The following GMNC variants were observed in gnomAD, a reference collection of about 807,000 sequenced individuals.
GMNC encodes the protein geminin coiled-coil domain-containing protein 1.
A neutral mutation model predicts 33.6 loss-of-function variants in GMNC; 16 were observed. The observed-to-expected ratio is 0.48, with a 90% CI of 0.32 to 0.72. GMNC has a LOEUF of 0.72. Ranked by LOEUF, GMNC falls within the 30% of genes least tolerant of loss-of-function variation. The probability of loss-of-function intolerance (pLI) is 0.03; values close to 1 mark genes in which losing one functional copy is unlikely to be tolerated. For synonymous variants in GMNC, 156 were observed against 147.3 expected, an observed-to-expected ratio of 1.06 and a Z score of -0.43; for missense variants, 393 against 388.9, an observed-to-expected ratio of 1.01 and a Z score of -0.09.
In GMNC at chr3:190,855,385, C is replaced by T; in HGVS notation, c.915G>A (p.Val305=). ...GTCCCTGGTGGAAGGAATGAGTTTTCACATTACAATGAGGGCTCAGGGATG... is the reference window on the plus strand; with the variant it reads ...GTCCCTGGTGGAAGGAATGAGTTTTTACATTACAATGAGGGCTCAGGGATG... ...FSTSLSPHCN[V]KTHSFHQGQA... is the part of the protein sequence containing the mutation. The change falls in exon 5 of 5, where the codon GTG becomes GTA. Residue 305 remains valine, a synonymous_variant. Coordinates refer to ENST00000442080, the MANE Select transcript of GMNC (RefSeq NM_001146686.3). 1.9e-6 allele frequency: 3 copies of T among 1,551,988 alleles called. No homozygotes were observed. The highest frequency in any genetic ancestry group is 1.7e-6 in the Non-Finnish European group (2 of 1,146,980).
downstream of GMNC, among the ~76,000 whole-genome samples, chr3:190,849,821 C>T (rs1371837207): frequency 2.0e-5 from 3 of 152,136 alleles, no homozygotes; most frequent in Non-Finnish European, 2.9e-5. Flanking sequence ...TGACTATTCA[C>T]TGTTTTACTT....
At chr3:190,850,780 A>T (rs1022060518), downstream of GMNC, among the ~76,000 whole-genome samples, 7 of 152,216 alleles carry the variant, frequency 4.6e-5, no homozygotes, top group Admixed American at 1.3e-4. Flanking sequence ...CATTAGCACC[A>T]GGGTTTATCT....
At chr3:190,859,143 T>C (rs922604616) in intron 2 of GMNC, 127 bp from the exon 3 acceptor site, 4 of 622,868 alleles carry the variant, frequency 6.4e-6, no homozygotes, top group South Asian at 6.2e-5. Context: ...ATTGCTGCCA[T>C]ACAGGAAAAC....
At chr3:190,856,263 AAAT>A (rs1377986777) in intron 4 of GMNC, among the ~76,000 whole-genome samples, 1 of 145,240 alleles carries the variant, frequency 6.9e-6, no homozygotes, top group Admixed American at 7.0e-5. Context: ...AAATATTTAT[AAAT>A]AATACTTATA....
chr3:190,861,502 CT>C lies in GMNC; in HGVS notation c.4-645del. On this transcript the variant is annotated intron_variant, in intron 1 of 4. Coordinates refer to ENST00000442080, the MANE Select transcript of GMNC (RefSeq NM_001146686.3). This position sits in a 1 kb window ranked among gnomAD's most constrained non-coding sequence, Gnocchi z 5.1. ...TCTATCTATCTATCTATCTATCTATCTATCTATCTCTGTCCCAGAGATAATT... is the reference window on the plus strand; with the variant it reads ...TCTATCTATCTATCTATCTATCTATCATCTATCTCTGTCCCAGAGATAATT... Among the ~76,000 whole-genome samples the C allele has an allele frequency of 6.6e-6, 1 of 151,244 alleles. No individual in the cohort carries two copies. Among genetic ancestry groups the C allele is most frequent in the East Asian group, 2.0e-4 (1 of 5,052 alleles).
rs1180358177 is a variant in GMNC, at chr3:190,861,078, T to G, written c.4-220A>C. On this transcript the variant is annotated intron_variant, in intron 1 of 4. Coordinates refer to ENST00000442080, the MANE Select transcript of GMNC (RefSeq NM_001146686.3). This position sits in a 1 kb window ranked among gnomAD's most constrained non-coding sequence, Gnocchi z 5.1. The stretch of plus-strand genomic sequence containing the variant: ...TTCTTGGTTTACCCAGAATTTCCCT[T>G]AGGCCCTCTGAGCAAAAGAGCAGAC... Among the ~76,000 whole-genome samples, 1 of 152,148 alleles carries G rather than the reference T, an allele frequency of 6.6e-6. No homozygotes were observed. The highest frequency in any genetic ancestry group is 1.5e-5 in the Non-Finnish European group (1 of 68,028).
intron 4 of GMNC, among the ~76,000 whole-genome samples, chr3:190,856,313 AT>A (rs1034345514): frequency 1.4e-5 from 2 of 141,506 alleles, no homozygotes; most frequent in Non-Finnish European, 3.1e-5. Flanking sequence ...ACTTATATTT[AT>A]TTATAAATAT....
rs1422275249 is a variant in GMNC, at chr3:190,861,441, G to A, written c.4-583C>T. Among the ~76,000 whole-genome samples, 10 of 150,726 alleles carry A rather than the reference G, an allele frequency of 6.6e-5. No individual in the cohort carries two copies. The highest frequency in any genetic ancestry group is 1.5e-5 in the Non-Finnish European group (1 of 67,684). On this transcript the variant is annotated intron_variant, in intron 1 of 4. Transcript: ENST00000442080. The surrounding 1 kb of genome is among the most constrained non-coding windows in gnomAD (Gnocchi z 5.1). ...AGTCCATCAATCTATCTGTCTGTCT[G>A]TCTGTCTGCCTATCATCTATCTATC...
rs1408838204 is a variant in GMNC at position 190,859,011 on chromosome 3, A to T, written c.184T>A (p.Phe62Ile). 1.2e-5 allele frequency: 18 copies of T among 1,539,320 alleles called. No homozygotes were observed. The highest frequency in any genetic ancestry group is 1.6e-5 in the Non-Finnish European group (18 of 1,136,048). Residue 62 changes from phenylalanine (F) to isoleucine (I), a missense_variant, in exon 3 of 5, where the codon TTC (phenylalanine) becomes ATC (isoleucine). Transcript: ENST00000442080. Reference sequence around the variant, plus strand: ...GGAAGAGGAAAATTTGAGTCACTGAATGATTCTGTGAAAATACAAATAGAT... The same window carrying T: ...GGAAGAGGAAAATTTGAGTCACTGATTGATTCTGTGAAAATACAAATAGAT... ...LQQAPQAQES[F>I]SDSNFPLPDL...
At position 190,855,053 on chromosome 3, in the gene GMNC, G is replaced by C; in HGVS notation, c.*242C>G. 1 of 508,188 alleles carries C rather than the reference G, an allele frequency of 2.0e-6. No homozygotes were observed. Among genetic ancestry groups the C allele is most frequent in the East Asian group, 3.4e-5 (1 of 29,580 alleles). 31.5% of individuals were successfully genotyped at this position (508,188 alleles called of 1,614,324 possible). ...ATCAAGTATAGGGCAAAGAGAGGAT[G>C]TCAATAGCAGGTATTGGTGTGTAAA... On this transcript the variant is annotated 3_prime_UTR_variant, in exon 5 of 5. Transcript: ENST00000442080.
At position 190,855,705 on chromosome 3, in the gene GMNC, C is replaced by T; in HGVS notation, c.595G>A (p.Asp199Asn). The change falls in exon 5 of 5, where the codon GAC becomes AAC. Residue 199 changes from aspartate to asparagine, a missense_variant. By Grantham distance (23) the Asp-to-Asn change is conservative. Transcript: ENST00000442080. ...VLQTLGLKDL[D>N]TIDDTSSANY... ...GCTGATGAGGTGTCATCGATAGTGT[C>T]AAGGTCTTTTAACCCAAGTGTTTGA... is the stretch of plus-strand genomic sequence containing the variant. 6.4e-7 allele frequency: 1 copy of T among 1,551,564 alleles called. No homozygotes were observed. Among genetic ancestry groups the T allele is most frequent in the South Asian group, 1.2e-5 (1 of 84,052 alleles).
At chr3:190,848,947 A>G (rs1038745757), downstream of GMNC, among the ~76,000 whole-genome samples, 2 of 152,210 alleles carry the variant, frequency 1.3e-5, no homozygotes, top group Non-Finnish European at 2.9e-5. Flanking sequence ...ACTGACATAA[A>G]TAAATTCTAA....
At chr3:190,856,479 A>T (rs1183827855) in intron 4 of GMNC, among the ~76,000 whole-genome samples, 1 of 137,438 alleles carries the variant, frequency 7.3e-6, no homozygotes, top group African/African-American at 3.0e-5. Context: ...TTATAAATAA[A>T]TATAAATATA....
intron 4 of GMNC, among the ~76,000 whole-genome samples, chr3:190,856,957 T>C (rs1737760976): frequency 6.6e-6 from 1 of 151,544 alleles, no homozygotes; most frequent in Middle Eastern, 3.2e-3. Context: ...GGCAACTGAA[T>C]TGTAAAGAAA....
At position 190,855,883 on chromosome 3, in the gene GMNC, T is replaced by C; in HGVS notation, c.417A>G (p.Ala139=). Residue 139 remains alanine, a synonymous_variant, in exon 5 of 5, where the codon GCA becomes GCG. Transcript: ENST00000442080. ...KLLSSDEFSK[A]YGKFRKGKRK... ...TCTTCCCCTTCCTGAATTTTCCATA[T>C]GCTTTGGAGAACTCATCAGATGAGA... The C allele has an allele frequency of 6.4e-7, 1 of 1,550,746 alleles. No individual in the cohort carries two copies. Among genetic ancestry groups the C allele is most frequent in the South Asian group, 1.2e-5 (1 of 84,034 alleles).
At chr3:190,844,044 A>C in the GMNC span, among the ~76,000 whole-genome samples, 5 of 152,186 alleles carry the variant, frequency 3.3e-5, no homozygotes, top group Admixed American at 6.5e-5. Flanking sequence ...AAATATCATC[A>C]TTCCATTTAG....
Position 190,861,492 on chromosome 3 carries a change from A to ATCTG in GMNC, c.4-635_4-634insCAGA, listed in dbSNP as rs1737869549. 6.6e-6 allele frequency among the ~76,000 whole-genome samples: 1 copy of ATCTG among 151,566 alleles called. No homozygotes were observed. Among genetic ancestry groups the ATCTG allele is most frequent in the Admixed American group, 6.6e-5 (1 of 15,232 alleles). ...TATCTATCTATCTATCTATCTATCT[A>ATCTG]TCTATCTATCTATCTATCTCTGTCC... On this transcript the variant is annotated intron_variant, in intron 1 of 4. Transcript: ENST00000442080. This position sits in a 1 kb window ranked among gnomAD's most constrained non-coding sequence, Gnocchi z 5.1.
chr3:190,856,494 T>G (rs1737750465), intron 4 of GMNC, among the ~76,000 whole-genome samples: 1 of 131,440 alleles, frequency 7.6e-6, no homozygotes, highest in Non-Finnish European at 1.6e-5. Context: ...AATATATTTA[T>G]AAACAATATT....
chr3:190,857,706 A>C (rs1737776957), intron 4 of GMNC, 77 bp downstream of exon 4: 4 of 749,450 alleles, frequency 5.3e-6, no homozygotes, highest in Admixed American at 2.1e-5. Context: ...TGTTTAATCA[A>C]GGAGTTTTAC....
Sources: allele counts gnomAD v4.1 joint callset (sites outside exome capture counted in the v4.1 genomes callset), GRCh38; gene constraint gnomAD v4.1.1; non-coding constraint Gnocchi (gnomAD v3.1); transcripts MANE v1.5; gene names NCBI Gene and HGNC (gene_info 2026-07-23, HGNC 2026-07-21).